Variants in LRRC69 observed in about 807,000 individuals in gnomAD.
The protein encoded by LRRC69 is leucine rich repeat containing 69.
LRRC69 carries 42 observed loss-of-function variants against 37.8 expected under a neutral mutation model. That is an observed-to-expected ratio of 1.11 (90% confidence interval 0.87 to 1.44). The LOEUF (loss-of-function observed/expected upper bound fraction) is 1.44. Ranked by LOEUF, LRRC69 falls within the 40% of genes most tolerant of loss-of-function variation. The probability of loss-of-function intolerance (pLI) is 0.00; values close to 1 mark genes in which losing one functional copy is unlikely to be tolerated. For synonymous variants in LRRC69, 141 were observed against 143.1 expected, an observed-to-expected ratio of 0.99 and a Z score of 0.11; for missense variants, 357 against 401.9, an observed-to-expected ratio of 0.89 and a Z score of 0.96.
Position 91,124,578 on chromosome 8 carries a change from T to C in LRRC69, c.269T>C (p.Leu90Ser), listed in dbSNP as rs1186926028. The C allele has an allele frequency of 1.1e-5, 17 of 1,541,874 alleles. No individual in the cohort carries two copies. Among genetic ancestry groups the C allele is most frequent in the African/African-American group, 1.4e-5 (1 of 72,658 alleles). ...CTTACATCTCTGAAGAATCTCCATT[T>C]ATCTGGAAATAGGATCTGTAGATTT... Residue 90 changes from leucine to serine, a missense_variant, in exon 2 of 8, where the codon TTA becomes TCA. Transcript: ENST00000448384.
intron 5 of LRRC69, among the ~76,000 whole-genome samples, chr8:91,150,235 T>G (rs1397785931): frequency 6.6e-6 from 1 of 152,006 alleles, no homozygotes; most frequent in Non-Finnish European, 1.5e-5. Flanking sequence ...CATAGATAGC[T>G]CTTATTATTT....
chr8:91,146,795 A>G (rs75514457), intron 5 of LRRC69, among the ~76,000 whole-genome samples: 7,972 of 151,894 alleles, frequency 0.052, 301 homozygotes, highest in Middle Eastern at 0.16. Context: ...AGTGGATTTC[A>G]ACCAGGGAAG....
intron 1 of LRRC69, among the ~76,000 whole-genome samples, chr8:91,107,149 T>C (rs1813330520): frequency 6.6e-6 from 1 of 150,842 alleles, no homozygotes; most frequent in Admixed American, 6.6e-5. Flanking sequence ...TTATTATTAT[T>C]TTTGAGACAG....
intron 5 of LRRC69, among the ~76,000 whole-genome samples, chr8:91,155,124 A>T (rs1378103839): frequency 6.6e-6 from 1 of 151,658 alleles, no homozygotes; most frequent in East Asian, 1.9e-4. Flanking sequence ...TCCATTCACA[A>T]TTGCTACAAA....
chr8:91,208,943 C>T (rs1314099875), intron 7 of LRRC69, among the ~76,000 whole-genome samples: 2 of 152,164 alleles, frequency 1.3e-5, no homozygotes, highest in African/African-American at 2.4e-5. Flanking sequence ...CACTTCTACA[C>T]TATTCTCTGG....
intron 5 of LRRC69, among the ~76,000 whole-genome samples, chr8:91,146,818 C>G (rs765414812): frequency 4.6e-5 from 7 of 151,768 alleles, no homozygotes; most frequent in Non-Finnish European, 8.8e-5. Flanking sequence ...TTAGCCCTCC[C>G]TCCATGTCCC....
intron 4 of LRRC69, among the ~76,000 whole-genome samples, chr8:91,133,730 G>A (rs1349808830): frequency 6.6e-6 from 1 of 151,928 alleles, no homozygotes; most frequent in Non-Finnish European, 1.5e-5. Context: ...CACATCCCGG[G>A]TTCAGGTGAT....
intron 5 of LRRC69, among the ~76,000 whole-genome samples, chr8:91,166,876 A>G (rs1320014737): frequency 1.3e-5 from 2 of 151,900 alleles, no homozygotes; most frequent in Non-Finnish European, 2.9e-5. Flanking sequence ...GCTGTTATTT[A>G]ACAAAGGTTC....
At position 91,195,227 on chromosome 8, in the gene LRRC69, G is replaced by T. The variant is rs1391097298; in HGVS notation, c.754-5386G>T. Among the ~76,000 whole-genome samples the T allele has an allele frequency of 6.6e-5, 10 of 152,094 alleles. 1 individual carries two copies. In the East Asian group the frequency reaches 1.9e-3, roughly 29 times the overall value. ...TGAGAGATAGTTTGTTATAATTTCT[G>T]TTCTTTTACATTTGCTGAGGAGAGC... On this transcript the variant is annotated intron_variant, in intron 6 of 7. Coordinates refer to ENST00000448384, the Ensembl canonical transcript of LRRC69.
intron 5 of LRRC69, among the ~76,000 whole-genome samples, chr8:91,153,295 T>A (rs574925019): frequency 5.3e-4 from 80 of 150,998 alleles, no homozygotes; most frequent in Non-Finnish European, 9.9e-4. Context: ...ACTGTCAATA[T>A]TAGATCATTG....
intron 5 of LRRC69, among the ~76,000 whole-genome samples, chr8:91,187,648 T>C (rs920725030): frequency 6.6e-6 from 1 of 152,204 alleles, no homozygotes; most frequent in African/African-American, 2.4e-5. Context: ...AAACCTTCAC[T>C]GCTTTCTTCC....
chr8:91,166,680 C>T (rs532544589), intron 5 of LRRC69, among the ~76,000 whole-genome samples: 2 of 151,790 alleles, frequency 1.3e-5, no homozygotes, highest in Non-Finnish European at 1.5e-5. Context: ...GAAAAGGGCA[C>T]TTTACGAAAT....
chr8:91,108,565 C>A (rs1813358972), intron 1 of LRRC69, among the ~76,000 whole-genome samples: 1 of 151,982 alleles, frequency 6.6e-6, no homozygotes, highest in Admixed American at 6.6e-5. Context: ...AGTCTCTAGT[C>A]AGAGAAGTCA....
intron 6 of LRRC69, among the ~76,000 whole-genome samples, chr8:91,197,545 G>T (rs1439491048): frequency 1.3e-5 from 2 of 152,174 alleles, no homozygotes; most frequent in Non-Finnish European, 2.9e-5. Context: ...TTATCTCGTG[G>T]TGCGCCGTTT....
intron 1 of LRRC69, among the ~76,000 whole-genome samples, chr8:91,116,673 C>CTAGGTCA (rs1813516307): frequency 6.6e-6 from 1 of 151,884 alleles, no homozygotes; most frequent in African/African-American, 2.4e-5. Flanking sequence ...TAGAATGAAC[C>CTAGGTCA]TAGGTCATTT....
intron 1 of LRRC69, among the ~76,000 whole-genome samples, chr8:91,113,193 T>G (rs538311833): frequency 6.6e-6 from 1 of 152,126 alleles, no homozygotes; most frequent in Admixed American, 6.6e-5. Flanking sequence ...AATGGTATTC[T>G]TCACAAAAAT....
chr8:91,103,677 A>G (rs1369218042), intron 1 of LRRC69, among the ~76,000 whole-genome samples: 2 of 152,040 alleles, frequency 1.3e-5, no homozygotes, highest in South Asian at 4.1e-4. Flanking sequence ...ACCCTACCTC[A>G]TTTCCTTTTA....
chr8:91,171,468 A>C (rs2130583009), intron 5 of LRRC69, among the ~76,000 whole-genome samples: 1 of 152,160 alleles, frequency 6.6e-6, no homozygotes, highest in African/African-American at 2.4e-5. Flanking sequence ...ACCAGCACTG[A>C]ACTTGAAAAA....
intron 5 of LRRC69, among the ~76,000 whole-genome samples, chr8:91,171,439 A>T (rs13271217): frequency 0.052 from 7,908 of 152,098 alleles, 303 homozygotes; most frequent in Middle Eastern, 0.16. Context: ...CTGCTCCCTG[A>T]TTAAAATGCG....
Sources: gnomAD v4.1 joint callset for allele counts (sites outside exome capture counted in the v4.1 genomes callset) on GRCh38, gnomAD v4.1.1 for gene constraint, MANE v1.5 for transcripts, NCBI Gene and HGNC (gene_info 2026-07-23, HGNC 2026-07-21) for gene names.